Variants in GOLGA5 observed in about 807,000 individuals in gnomAD.
GOLGA5 encodes golgin subfamily A member 5.
GOLGA5 carries 50 observed loss-of-function variants against 93.5 expected under a neutral mutation model. The observed-to-expected ratio is 0.53, with a 90% CI of 0.43 to 0.68. GOLGA5 has a LOEUF of 0.68. Ranked by LOEUF, GOLGA5 falls within the 30% of genes least tolerant of loss-of-function variation. The pLI is 0.00. For missense variants in GOLGA5, 760 were observed against 856.4 expected, an observed-to-expected ratio of 0.89 and a Z score of 1.40; for synonymous variants, 312 against 304.5, an observed-to-expected ratio of 1.02 and a Z score of -0.26.
At chr14:92,837,633 G>A (rs1885674639) in intron 12 of GOLGA5, among the ~76,000 whole-genome samples, 184 bp downstream of exon 12, 1 of 151,672 alleles carries the variant, frequency 6.6e-6, no homozygotes. Flanking sequence ...GTGCAGTCTT[G>A]GCTCACTGCA....
intron 11 of GOLGA5, 51 bp downstream of exon 11, chr14:92,835,715 T>C: frequency 1.8e-6 from 2 of 1,090,520 alleles, no homozygotes; most frequent in South Asian, 2.6e-5. Flanking sequence ...GTTTTTACGT[T>C]TTTCAGGGTT....
chr14:92,799,086 G>A (rs1272180818), intron 2 of GOLGA5, among the ~76,000 whole-genome samples: 1 of 152,020 alleles, frequency 6.6e-6, no homozygotes, highest in Non-Finnish European at 1.5e-5. Flanking sequence ...TCCTGCCTCA[G>A]CCTCCTGAGT....
intron 9 of GOLGA5, among the ~76,000 whole-genome samples, chr14:92,828,368 C>A (rs949302420): frequency 6.6e-6 from 1 of 152,188 alleles, no homozygotes; most frequent in Non-Finnish European, 1.5e-5. Context: ...GTAAAGGGAA[C>A]AACAAAGCCT....
intron 10 of GOLGA5, among the ~76,000 whole-genome samples, chr14:92,833,746 A>G (rs1885578724): frequency 6.6e-6 from 1 of 152,248 alleles, no homozygotes; most frequent in South Asian, 2.1e-4. Flanking sequence ...AAAGAAATCT[A>G]TAGATTCCCA....
In GOLGA5 at chr14:92,819,928, G is replaced by T. The variant is rs529084484; in HGVS notation, c.1620+92G>T. 3.1e-6 allele frequency: 4 copies of T among 1,280,792 alleles called. No homozygotes were observed. In the African/African-American group the frequency reaches 7.7e-5, roughly 25 times the overall value. 79.3% of individuals were successfully genotyped at this position (1,280,792 alleles called of 1,614,324 possible). A position where few individuals can be genotyped will look rare whatever the true frequency, so the allele number is the denominator to read the frequency against. On this transcript the variant is annotated intron_variant, in intron 8 of 12. Transcript: ENST00000163416. ...GGAAAGCAGCTTACTGAAATTTTTA[G>T]AGTATGGGCTTAGGGTTACCCCACA... is the stretch of plus-strand genomic sequence containing the variant.
intron 2 of GOLGA5, among the ~76,000 whole-genome samples, chr14:92,803,683 AG>A (rs1884922000): frequency 6.6e-6 from 1 of 152,208 alleles, no homozygotes; most frequent in Non-Finnish European, 1.5e-5. Context: ...AAAATAATGT[AG>A]GGGTCACAGC....
intron 9 of GOLGA5, among the ~76,000 whole-genome samples, chr14:92,831,573 C>T (rs1885531444): frequency 6.6e-6 from 1 of 152,150 alleles, no homozygotes; most frequent in Non-Finnish European, 1.5e-5. Context: ...TTGATGCTGA[C>T]TATACCGTCA....
At chr14:92,809,572 T>C in intron 4 of GOLGA5, 53 bp downstream of exon 4, 1 of 1,073,950 alleles carries the variant, frequency 9.3e-7, no homozygotes, top group East Asian at 2.5e-5. Flanking sequence ...GTAAACATTG[T>C]AGTGTATCCA....
intron 12 of GOLGA5, among the ~76,000 whole-genome samples, chr14:92,838,163 C>T (rs1215506411): frequency 6.6e-6 from 1 of 152,080 alleles, no homozygotes; most frequent in African/African-American, 2.4e-5. Flanking sequence ...GATTTCTTAC[C>T]TCTAGTAAAA....
chr14:92,833,170 C>A lies in GOLGA5; in HGVS notation c.1768C>A (p.Arg590=). ...TAGCAGTCAGTCTGAGTTAGAAAATCGACTCCATCAGCTAACAGAGACTCT... is the reference window on the plus strand; with the variant it reads ...TAGCAGTCAGTCTGAGTTAGAAAATAGACTCCATCAGCTAACAGAGACTCT... ...SNSSQSELEN[R]LHQLTETLIQ... The change falls in exon 10 of 13, where the codon CGA becomes AGA. Residue 590 remains arginine, a synonymous_variant. Transcript: ENST00000163416. 6.2e-7 allele frequency: 1 copy of A among 1,612,702 alleles called. No individual in the cohort carries two copies. The highest frequency in any genetic ancestry group is 1.3e-5 in the African/African-American group (1 of 75,008).
chr14:92,833,866 G>GTTCT (rs1437086997), intron 10 of GOLGA5, among the ~76,000 whole-genome samples: 1 of 152,008 alleles, frequency 6.6e-6, no homozygotes, highest in East Asian at 1.9e-4. Flanking sequence ...AAATTTCTCA[G>GTTCT]TTCTTTGGCT....
chr14:92,814,510 T>C (rs1425218277), intron 6 of GOLGA5, among the ~76,000 whole-genome samples: 1 of 152,064 alleles, frequency 6.6e-6, no homozygotes, highest in Non-Finnish European at 1.5e-5. Context: ...TACTTGACCA[T>C]GGACATGAGG....
At chr14:92,829,136 G>GT (rs1209455687) in intron 9 of GOLGA5, among the ~76,000 whole-genome samples, 7 of 151,984 alleles carry the variant, frequency 4.6e-5, no homozygotes, top group Admixed American at 3.9e-4. Flanking sequence ...GGCTACTTTT[G>GT]TTTTTTTGTA....
At chr14:92,826,482 G>T (rs558832277) in intron 9 of GOLGA5, among the ~76,000 whole-genome samples, 1 of 152,158 alleles carries the variant, frequency 6.6e-6, no homozygotes, top group South Asian at 2.1e-4. Context: ...GATCACTTGA[G>T]GCCAGGAGTT....
In GOLGA5 at chr14:92,839,561, G is replaced by T; in HGVS notation, c.*115G>T. 7.6e-6 allele frequency: 5 copies of T among 654,042 alleles called. No homozygotes were observed. Among genetic ancestry groups the T allele is most frequent in the Admixed American group, 5.3e-5 (2 of 37,644 alleles). The allele number at this position is 654,042 out of a possible 1,614,324, so 40.5% of individuals were successfully genotyped here. A position where few individuals can be genotyped will look rare whatever the true frequency, so the allele number is the denominator to read the frequency against. Reference sequence around the variant, plus strand: ...GCACAAGATTATTTTATCACTACAAGCTTTTAACTTTTTAAGTTATTGTAC... The same window carrying T: ...GCACAAGATTATTTTATCACTACAATCTTTTAACTTTTTAAGTTATTGTAC... On this transcript the variant is annotated 3_prime_UTR_variant, in exon 13 of 13. Transcript: ENST00000163416.
chr14:92,795,076 A>G (rs1240417901), intron 1 of GOLGA5, among the ~76,000 whole-genome samples: 1 of 80,954 alleles, frequency 1.2e-5, no homozygotes, highest in Non-Finnish European at 2.4e-5. Context: ...GAGGCAAGAT[A>G]TAAAGAATTA....
At chr14:92,829,429 A>G (rs1034581469) in intron 9 of GOLGA5, among the ~76,000 whole-genome samples, 4 of 152,260 alleles carry the variant, frequency 2.6e-5, no homozygotes, top group African/African-American at 9.6e-5. Flanking sequence ...ATCAACATTA[A>G]CAGGAGTGTG....
intron 6 of GOLGA5, among the ~76,000 whole-genome samples, chr14:92,812,889 T>G (rs892942638): frequency 2.0e-5 from 3 of 152,212 alleles, no homozygotes; most frequent in Non-Finnish European, 4.4e-5. Flanking sequence ...GTATGCTGCC[T>G]CTGCTTCTAA....
chr14:92,818,120 T>C (rs1310366323), intron 7 of GOLGA5, among the ~76,000 whole-genome samples: 2 of 152,206 alleles, frequency 1.3e-5, no homozygotes, highest in African/African-American at 2.4e-5. Context: ...TTTGGTGAGA[T>C]TATGAAAAAT....
Sources: gnomAD v4.1 joint callset for allele counts (sites outside exome capture counted in the v4.1 genomes callset) on GRCh38, gnomAD v4.1.1 for gene constraint, MANE v1.5 for transcripts, NCBI Gene and HGNC (gene_info 2026-07-23, HGNC 2026-07-21) for gene names.